Variants in DNAH17 observed in about 807,000 individuals in gnomAD.
DNAH17 encodes axonemal beta dynein heavy chain 17.
In DNAH17, 376 loss-of-function variants were observed where a neutral mutation model predicts 485.6. The ratio of observed to expected loss-of-function variants is 0.77; its 90% CI spans 0.71 to 0.84. DNAH17 has a LOEUF of 0.84. Among genes scored for constraint, DNAH17 ranks in the 40% least tolerant of loss-of-function variants. The pLI, the probability that DNAH17 is intolerant of heterozygous loss-of-function variation, is 0.00. For synonymous variants in DNAH17, 3,031 were observed against 2,405.9 expected (o/e 1.26, Z -7.60); for missense variants, 6,370 against 5,839.3 (o/e 1.09, Z -2.96).
chr17:78,568,881 C>A (rs917527071), intron 9 of DNAH17, among the ~76,000 whole-genome samples: 2 of 152,170 alleles, frequency 1.3e-5, no homozygotes, highest in Non-Finnish European at 2.9e-5. Flanking sequence ...GGCCCCCAGG[C>A]GTCCTGAACG....
intron 48 of DNAH17, among the ~76,000 whole-genome samples, chr17:78,482,400 A>G (rs34568029): frequency 0.2 from 30,024 of 152,186 alleles, 3,524 homozygotes; most frequent in Admixed American, 0.32. Flanking sequence ...AATTCCTTGT[A>G]TATTTCAGAT....
intron 37 of DNAH17, among the ~76,000 whole-genome samples, chr17:78,497,870 C>G (rs577246515): frequency 6.6e-6 from 1 of 152,142 alleles, no homozygotes; most frequent in Non-Finnish European, 1.5e-5. Flanking sequence ...CAGCCGGGCA[C>G]AACGGCTCAC....
chr17:78,488,250 C>T (rs1179637789), intron 44 of DNAH17, among the ~76,000 whole-genome samples: 1 of 152,222 alleles, frequency 6.6e-6, no homozygotes, highest in African/African-American at 2.4e-5. Context: ...GTCCATACGG[C>T]TTCTTGCCCT....
At chr17:78,491,594 C>T in intron 42 of DNAH17, 24 bp from the exon 43 acceptor site, 6 of 1,611,130 alleles carry the variant, frequency 3.7e-6, no homozygotes, top group Non-Finnish European at 5.1e-6. Context: ...GTGGTATGAC[C>T]CCGGGCCCTT....
intron 73 of DNAH17, among the ~76,000 whole-genome samples, chr17:78,438,739 T>G (rs1269146054): frequency 6.6e-6 from 1 of 152,018 alleles, no homozygotes; most frequent in Non-Finnish European, 1.5e-5. Flanking sequence ...CCTCAGGTGA[T>G]CCGCCTGCCT....
Position 78,526,975 on chromosome 17 carries a change from T to TA in DNAH17, c.3528_3529insT (p.Asn1177Ter), listed in dbSNP as rs754878763. 17 of 1,584,970 alleles carry TA rather than the reference T, an allele frequency of 1.1e-5. No homozygotes were observed. The highest frequency in any genetic ancestry group is 1.5e-5 in the Non-Finnish European group (17 of 1,165,536). On this transcript the variant is annotated frameshift_variant, in exon 23 of 81. Transcript: ENST00000389840. LOFTEE classifies it high-confidence loss of function. ...ACCTGAATGGCCAGTTTCTTGGTAT[T>TA]TGCCCAGTGCTCCGGCAGCTCCTGC...
chr17:78,452,345 G>A (rs552875104), intron 65 of DNAH17, among the ~76,000 whole-genome samples: 1 of 152,162 alleles, frequency 6.6e-6, no homozygotes, highest in Non-Finnish European at 1.5e-5. Context: ...GCTGATGAGT[G>A]GACAAACACA....
In DNAH17 at chr17:78,569,399, G is replaced by T. The variant is rs577733173; in HGVS notation, c.1173C>A (p.Cys391Ter). Residue 391 changes from cysteine (C) to a stop codon, truncating the protein, a stop_gained, in exon 8 of 81, where the codon TGC becomes TGA. Coordinates refer to ENST00000389840, the MANE Select transcript of DNAH17 (RefSeq NM_173628.4). LOFTEE classifies it high-confidence loss of function. ...CCTTAAAGAAAAGCTTCATGTTCAC[G>T]CAGCAGAAGTCGTACGTCTGGTAGA... ...KELYQTYDFCCVNMKLFFKDK... is the reference protein window; with the variant it reads ...KELYQTYDFC 6.2e-7 allele frequency: 1 copy of T among 1,613,050 alleles called. No homozygotes were observed. Among genetic ancestry groups the T allele is most frequent in the Admixed American group, 1.7e-5 (1 of 59,864 alleles).
At chr17:78,464,170 C>A (rs541246652) in intron 56 of DNAH17, among the ~76,000 whole-genome samples, 4 of 151,946 alleles carry the variant, frequency 2.6e-5, no homozygotes, top group Non-Finnish European at 5.9e-5. Context: ...GCTCATCCCC[C>A]CTACTGAGTT....
chr17:78,446,124 A>G (rs1207492937), intron 69 of DNAH17, among the ~76,000 whole-genome samples: 1 of 136,064 alleles, frequency 7.3e-6, no homozygotes, highest in Non-Finnish European at 1.5e-5. Flanking sequence ...CAGTAAGCCG[A>G]GATTACGCCA....
At position 78,530,466 on chromosome 17, in the gene DNAH17, T is replaced by A; in HGVS notation, c.3161A>T (p.Asn1054Ile). The A allele has an allele frequency of 1.9e-6, 3 of 1,613,112 alleles. No individual in the cohort carries two copies. The highest frequency in any genetic ancestry group is 2.5e-6 in the Non-Finnish European group (3 of 1,179,348). ...CAGCCAGCCGTGGAACACCTTGGTG[T>A]TCTCGCACTTGGACACCTCCTCATA... ...KLYEEVSKCE[N>I]TKVFHGWLQC... is the part of the protein sequence containing the mutation. Residue 1054 changes from asparagine (N) to isoleucine (I), a missense_variant, in exon 21 of 81, where the codon AAC becomes ATC. Physicochemically the swap from Asn to Ile is moderately radical, Grantham distance 149. Coordinates refer to ENST00000389840, the MANE Select transcript of DNAH17 (RefSeq NM_173628.4).
intron 69 of DNAH17, among the ~76,000 whole-genome samples, chr17:78,446,070 A>G (rs12451332): frequency 0.73 from 109,062 of 150,240 alleles, 40,812 homozygotes; most frequent in East Asian, 0.93. Flanking sequence ...GCTACTCGGG[A>G]TGCTGAGGCA....
chr17:78,482,695 G>C (rs957478957), intron 48 of DNAH17, among the ~76,000 whole-genome samples: 4 of 152,084 alleles, frequency 2.6e-5, no homozygotes, highest in African/African-American at 9.7e-5. Flanking sequence ...CCCCACCCTT[G>C]TCTGCCTTTT....
intron 19 of DNAH17, among the ~76,000 whole-genome samples, chr17:78,534,375 G>T (rs891106922): frequency 6.6e-6 from 1 of 151,712 alleles, no homozygotes; most frequent in African/African-American, 2.4e-5. Flanking sequence ...GAAGGGGAAG[G>T]TTGGCCCTAG....
At chr17:78,475,059 G>A (rs1319124707) in intron 54 of DNAH17, among the ~76,000 whole-genome samples, 2 of 151,936 alleles carry the variant, frequency 1.3e-5, no homozygotes, top group Admixed American at 1.3e-4. Flanking sequence ...CACACGGGCT[G>A]GAAGGTTTCA....
chr17:78,507,173 C>A (rs2090508176), intron 29 of DNAH17, 105 bp downstream of exon 29: 3 of 1,334,686 alleles, frequency 2.2e-6, no homozygotes, highest in Non-Finnish European at 3.1e-6. Flanking sequence ...CATGGTTTTG[C>A]CCTGTCCTGG....
At chr17:78,525,469 T>G (rs1356671269) in intron 24 of DNAH17, among the ~76,000 whole-genome samples, 2 of 152,366 alleles carry the variant, frequency 1.3e-5, no homozygotes, top group South Asian at 4.1e-4. Context: ...TTTCTTCAAC[T>G]TTCATATTAT....
intron 33 of DNAH17, chr17:78,502,189 T>C: frequency 2.5e-6 from 1 of 401,152 alleles, no homozygotes; most frequent in Non-Finnish European, 4.5e-6. Flanking sequence ...AAATCAATTA[T>C]ACACACACAG....
At chr17:78,444,480 G>A (rs1598458037) in intron 71 of DNAH17, 124 bp downstream of exon 71, 11 of 881,648 alleles carry the variant, frequency 1.2e-5, no homozygotes, top group Middle Eastern at 3.6e-4. Flanking sequence ...TGTGTAAAAT[G>A]GGGAGAAGAA....
Sources: gnomAD v4.1 joint callset for allele counts (sites outside exome capture counted in the v4.1 genomes callset) on GRCh38, gnomAD v4.1.1 for gene constraint, MANE v1.5 for transcripts, NCBI Gene and HGNC (gene_info 2026-07-23, HGNC 2026-07-21) for gene names.